TMEM44: variants seen among roughly 807,000 people sequenced by gnomAD.
TMEM44 encodes the protein transmembrane protein 44.
TMEM44 carries 43 observed loss-of-function variants against 47.8 expected under a neutral mutation model. That is an observed-to-expected ratio of 0.90 (90% CI 0.70 to 1.16). The LOEUF is 1.16. Ranked by LOEUF, TMEM44 falls within the 50% of genes most tolerant of loss-of-function variation. The pLI is 0.00. For synonymous variants in TMEM44, 277 were observed against 238.8 expected, an observed-to-expected ratio of 1.16 and a Z score of -1.48; for missense variants, 568 against 555.2, an observed-to-expected ratio of 1.02 and a Z score of -0.23.
At chr3:194,606,723 T>G (rs1714811199) in intron 8 of TMEM44, among the ~76,000 whole-genome samples, 1 of 152,090 alleles carries the variant, frequency 6.6e-6, no homozygotes, top group East Asian at 1.9e-4. Flanking sequence ...GCGGATCACT[T>G]GAGGTCAGGA....
At chr3:194,607,023 T>G (rs1714857647) in intron 8 of TMEM44, among the ~76,000 whole-genome samples, 1 of 151,770 alleles carries the variant, frequency 6.6e-6, no homozygotes. Context: ...AGTATCTCTC[T>G]GCTATGGTTT....
At position 194,611,137 on chromosome 3, in the gene TMEM44, T is replaced by A; in HGVS notation, c.913-117A>T. On this transcript the variant is annotated intron_variant, in intron 7 of 9. Transcript: ENST00000347147. The surrounding 1 kb of genome is among the most constrained non-coding windows in gnomAD (Gnocchi z 4.2). ...CCCGTGGTATTTTCTCTCTCTCTTTTTTAACGGCACGTCTCACTTTCTGCT... is the reference window on the plus strand; with the variant it reads ...CCCGTGGTATTTTCTCTCTCTCTTTATTAACGGCACGTCTCACTTTCTGCT... The A allele has an allele frequency of 1.3e-6, 1 of 782,118 alleles. No individual in the cohort carries two copies. The highest frequency in any genetic ancestry group is 2.2e-6 in the Non-Finnish European group (1 of 460,254). 48.4% of individuals were successfully genotyped at this position (782,118 alleles called of 1,614,324 possible).
chr3:194,616,461 A>C (rs774345375), intron 6 of TMEM44: 1 of 413,868 alleles, frequency 2.4e-6, no homozygotes, highest in African/African-American at 2.1e-5. Flanking sequence ...CCTATAAGAA[A>C]AGGAGACACA....
chr3:194,621,131 T>A (rs1716492289), intron 5 of TMEM44, among the ~76,000 whole-genome samples: 1 of 151,954 alleles, frequency 6.6e-6, no homozygotes, highest in East Asian at 1.9e-4. Context: ...GATGAGGTCA[T>A]TAGGATGAGT....
intron 9 of TMEM44, among the ~76,000 whole-genome samples, chr3:194,595,626 ATTTTTTT>A (rs1183156467): frequency 1.4e-5 from 2 of 145,476 alleles, no homozygotes; most frequent in Admixed American, 6.9e-5. Context: ...CTCATTCTCT[ATTTTTTT>A]TTTTTTTTTT....
At chr3:194,628,606 G>A (rs59584032) in intron 1 of TMEM44, 97 bp from the exon 2 acceptor site, 2 of 1,416,098 alleles carry the variant, frequency 1.4e-6, no homozygotes, top group African/African-American at 1.4e-5. Flanking sequence ...CATCGTCAGG[G>A]AGCTCTTTCT....
At chr3:194,614,307 T>G (rs1715654124) in intron 7 of TMEM44, among the ~76,000 whole-genome samples, 1 of 152,118 alleles carries the variant, frequency 6.6e-6, no homozygotes, top group South Asian at 2.1e-4. Flanking sequence ...GACGACAGGC[T>G]CTGGAGCACC....
chr3:194,615,791 A>C, intron 6 of TMEM44, 94 bp from the exon 7 acceptor site: 1 of 1,466,160 alleles, frequency 6.8e-7, no homozygotes, highest in Non-Finnish European at 9.3e-7. Flanking sequence ...CCCCCTCCCC[A>C]CTCACCTACT....
chr3:194,631,876 A>G (rs1182623750), intron 1 of TMEM44, among the ~76,000 whole-genome samples: 1 of 152,230 alleles, frequency 6.6e-6, no homozygotes. Flanking sequence ...GATCCCAGGC[A>G]GGGTGAGAAG....
At chr3:194,614,288 G>T (rs1715651533) in intron 7 of TMEM44, among the ~76,000 whole-genome samples, 2 of 152,192 alleles carry the variant, frequency 1.3e-5, no homozygotes. Flanking sequence ...GGATCATGTA[G>T]CTGGGCATGA....
In TMEM44 at chr3:194,633,065, C is replaced by G; in HGVS notation, c.137+14G>C. ...TTCCCCGCCCGACAGCCCCCCGACC[C>G]GTGGCCCCATTACAGCGCGTGGGCG... On this transcript the variant is annotated intron_variant, in intron 1 of 9. Coordinates refer to ENST00000347147, the MANE Select transcript of TMEM44 (RefSeq NM_001011655.3). 8.0e-7 allele frequency: 1 copy of G among 1,255,334 alleles called. No individual in the cohort carries two copies. The highest frequency in any genetic ancestry group is 1.1e-6 in the Non-Finnish European group (1 of 938,852). The allele number at this position is 1,255,334 out of a possible 1,614,324, so 77.8% of individuals were successfully genotyped here. A position where few individuals can be genotyped will look rare whatever the true frequency, so the allele number is the denominator to read the frequency against.
Position 194,623,586 on chromosome 3 carries a change from C to A in TMEM44, c.468G>T (p.Pro156=). Residue 156 remains proline, a synonymous_variant, in exon 4 of 10, where the codon CCG becomes CCT. Transcript: ENST00000347147. ...GPCWALWVAV[P]KASATIRGPQ... ...GCCCCCGGATGGTGGCTGAAGCCTT[C>A]GGGACAGCAACCCACAGAGCCCAGC... is the stretch of plus-strand genomic sequence containing the variant. 6.2e-7 allele frequency: 1 copy of A among 1,611,160 alleles called. No homozygotes were observed. The highest frequency in any genetic ancestry group is 8.5e-7 in the Non-Finnish European group (1 of 1,179,390).
chr3:194,602,960 A>G lies in TMEM44; in HGVS notation c.1176+1327T>C, dbSNP rs183574005. Among the ~76,000 whole-genome samples the G allele has an allele frequency of 1.2e-3, 183 of 152,356 alleles. 2 individuals carry two copies. Among genetic ancestry groups the G allele is most frequent in the African/African-American group, 4.3e-3 (179 of 41,588 alleles). On this transcript the variant is annotated intron_variant, in intron 9 of 9. Coordinates refer to ENST00000347147, the MANE Select transcript of TMEM44 (RefSeq NM_001011655.3). The stretch of plus-strand genomic sequence containing the variant: ...ACACCAACTACTGCTTACTATTACC[A>G]TTCTTTCCTAAAAGGGCATTTAACA...
chr3:194,632,848 C>T, intron 1 of TMEM44: 2 of 711,754 alleles, frequency 2.8e-6, no homozygotes, highest in Non-Finnish European at 4.2e-6. Context: ...GGGCCCCATC[C>T]GCTGCACCAC....
At chr3:194,626,104 A>G in intron 2 of TMEM44, 114 bp from the exon 3 acceptor site, 3 of 767,162 alleles carry the variant, frequency 3.9e-6, no homozygotes, top group Non-Finnish European at 6.7e-6. Flanking sequence ...GTGCTTTCTT[A>G]CGTACTCCTC....
chr3:194,608,943 G>A (rs952737794), intron 8 of TMEM44, among the ~76,000 whole-genome samples: 1 of 152,216 alleles, frequency 6.6e-6, no homozygotes, highest in African/African-American at 2.4e-5. Flanking sequence ...CAGGACCACA[G>A]AAGAAGTGGA....
chr3:194,615,418 T>C (rs1715769970), intron 7 of TMEM44, 151 bp downstream of exon 7: 1 of 1,119,556 alleles, frequency 8.9e-7, no homozygotes, highest in Non-Finnish European at 1.3e-6. Flanking sequence ...CACTATTCCC[T>C]CAGCGAGACA....
At chr3:194,618,884 G>A (rs763841314) in intron 5 of TMEM44, among the ~76,000 whole-genome samples, 5 of 152,206 alleles carry the variant, frequency 3.3e-5, no homozygotes, top group Non-Finnish European at 5.9e-5. Flanking sequence ...CTGCTTAACC[G>A]AGAGACAGCA....
chr3:194,613,157 T>C (rs1432068228), intron 7 of TMEM44, among the ~76,000 whole-genome samples: 1 of 152,044 alleles, frequency 6.6e-6, no homozygotes, highest in Non-Finnish European at 1.5e-5. Flanking sequence ...TAAACAACAC[T>C]TATTTTTTAT....
Sources: allele counts gnomAD v4.1 joint callset (sites outside exome capture counted in the v4.1 genomes callset), GRCh38; gene constraint gnomAD v4.1.1; non-coding constraint Gnocchi (gnomAD v3.1); transcripts MANE v1.5; gene names NCBI Gene and HGNC (gene_info 2026-07-23, HGNC 2026-07-21).